Variants in C16orf96 observed in about 807,000 individuals in gnomAD.
The protein encoded by C16orf96 is uncharacterized protein C16orf96.
A neutral mutation model predicts 103.6 loss-of-function variants in C16orf96; 108 were observed. The observed-to-expected ratio is 1.04, with a 90% CI of 0.89 to 1.22. The LOEUF is 1.22. Among genes scored for constraint, C16orf96 ranks in the 50% most tolerant of loss-of-function variants. The pLI is 0.00. For missense variants in C16orf96, 1,586 were observed against 1,464.2 expected (o/e 1.08, Z -1.36); for synonymous variants, 566 against 593.5 (o/e 0.95, Z 0.67).
intron 9 of C16orf96, among the ~76,000 whole-genome samples, chr16:4,590,467 G>C (rs1166948902): frequency 6.6e-6 from 1 of 151,586 alleles, no homozygotes; most frequent in African/African-American, 2.4e-5. Context: ...CTGAGGCAAG[G>C]AGAATCGCTT....
chr16:4,568,251 T>G (rs1005742612), intron 1 of C16orf96, among the ~76,000 whole-genome samples: 1 of 152,288 alleles, frequency 6.6e-6, no homozygotes, highest in African/African-American at 2.4e-5. Context: ...GAGTATGTAT[T>G]TTGCATAATT....
At chr16:4,590,712 G>A (rs1281941467) in intron 9 of C16orf96, among the ~76,000 whole-genome samples, 2 of 149,762 alleles carry the variant, frequency 1.3e-5, no homozygotes, top group East Asian at 2.0e-4. Flanking sequence ...GTGAAACCCC[G>A]TCTGTACTAA....
At chr16:4,596,214 C>G (rs1002298601) in intron 14 of C16orf96, among the ~76,000 whole-genome samples, 2 of 152,102 alleles carry the variant, frequency 1.3e-5, no homozygotes, top group African/African-American at 4.8e-5. Context: ...TGGCCGGGCA[C>G]GGTGGCTCAC....
chr16:4,576,725 C>T, intron 5 of C16orf96, 90 bp downstream of exon 5: 1 of 1,278,388 alleles, frequency 7.8e-7, no homozygotes, highest in South Asian at 1.5e-5. Flanking sequence ...CACTGGGCTC[C>T]ACCAACAAAA....
At chr16:4,583,580 G>T in intron 7 of C16orf96, among the ~76,000 whole-genome samples, 1 of 152,028 alleles carries the variant, frequency 6.6e-6, no homozygotes, top group East Asian at 1.9e-4. Context: ...AATAGTTAAA[G>T]AAGAAAAATA....
intron 14 of C16orf96, among the ~76,000 whole-genome samples, chr16:4,596,500 A>AAT (rs1000851944): frequency 6.6e-6 from 1 of 151,522 alleles, no homozygotes; most frequent in Admixed American, 6.6e-5. Flanking sequence ...AAAAAAAAAA[A>AAT]AACAGCTGAA....
chr16:4,599,354 C>T lies in C16orf96; in HGVS notation c.3198C>T (p.Ala1066=). Reference sequence around the variant, plus strand: ...TGCACTCCAGTGCCCTATTTGGCGCCATCTGCCCCCGTGAGTACCTGGTTC... The same window carrying T: ...TGCACTCCAGTGCCCTATTTGGCGCTATCTGCCCCCGTGAGTACCTGGTTC... The part of the protein sequence containing the change: ...DRVHSSALFG[A]ICPPLCPRSS... The change falls in exon 15 of 16, where the codon GCC becomes GCT. Residue 1066 remains alanine (A), a synonymous_variant. Transcript: ENST00000444310. 1 of 1,551,612 alleles carries T rather than the reference C, an allele frequency of 6.4e-7. No individual in the cohort carries two copies. The highest frequency in any genetic ancestry group is 8.7e-7 in the Non-Finnish European group (1 of 1,146,878).
At chr16:4,584,960 TG>T (rs1896886067) in intron 7 of C16orf96, among the ~76,000 whole-genome samples, 1 of 152,016 alleles carries the variant, frequency 6.6e-6, no homozygotes, top group Non-Finnish European at 1.5e-5. Context: ...CATTAGCCAC[TG>T]CGCCCAGCCA....
chr16:4,577,672 T>C (rs1284304207), intron 5 of C16orf96, among the ~76,000 whole-genome samples: 9 of 135,260 alleles, frequency 6.7e-5, no homozygotes, highest in Non-Finnish European at 1.5e-4. Context: ...ATTTTAAACA[T>C]TGGCCGTGTG....
chr16:4,557,189 C>G (rs2059274782), intron 1 of C16orf96, among the ~76,000 whole-genome samples: 1 of 152,102 alleles, frequency 6.6e-6, no homozygotes. Flanking sequence ...AGGCTGGTCT[C>G]AAACCCCTGA....
chr16:4,548,289 A>G, the C16orf96 span, among the ~76,000 whole-genome samples: 1 of 152,138 alleles, frequency 6.6e-6, no homozygotes, highest in Non-Finnish European at 1.5e-5. Context: ...TTTCCTGGGC[A>G]ACGTTCACTT....
At chr16:4,585,741 C>T (rs1328733784) in intron 7 of C16orf96, among the ~76,000 whole-genome samples, 1 of 152,188 alleles carries the variant, frequency 6.6e-6, no homozygotes, top group Non-Finnish European at 1.5e-5. Flanking sequence ...CTCAGAGGGG[C>T]CTCCTCGCCT....
At chr16:4,578,099 G>C (rs1489229181) in intron 5 of C16orf96, among the ~76,000 whole-genome samples, 2 of 152,124 alleles carry the variant, frequency 1.3e-5, no homozygotes, top group Non-Finnish European at 2.9e-5. Context: ...AACAGAGTGA[G>C]ACCTTGTCTC....
chr16:4,545,764 G>C, the C16orf96 span, among the ~76,000 whole-genome samples: 2 of 152,024 alleles, frequency 1.3e-5, no homozygotes, highest in Non-Finnish European at 2.9e-5. Flanking sequence ...TCTGTACTGA[G>C]GTCTCTTTTC....
intron 7 of C16orf96, among the ~76,000 whole-genome samples, 185 bp downstream of exon 7, chr16:4,580,310 A>ACCCC (rs150403662): frequency 3.2e-3 from 330 of 104,474 alleles, no homozygotes; most frequent in South Asian, 5.0e-3. Flanking sequence ...GAATCCCACC[A>ACCCC]CCCCCCCCCA....
chr16:4,563,608 G>C (rs1211840334), intron 1 of C16orf96, among the ~76,000 whole-genome samples: 11 of 151,678 alleles, frequency 7.3e-5, no homozygotes, highest in Non-Finnish European at 1.6e-4. Context: ...TCGCTCTGTT[G>C]CCCAGGCTGG....
chr16:4,592,208 C>T (rs1897074920), intron 10 of C16orf96, 97 bp from the exon 11 acceptor site: 2 of 1,463,718 alleles, frequency 1.4e-6, no homozygotes, highest in African/African-American at 2.8e-5. Flanking sequence ...CGGGCACTGG[C>T]AGGAGGGATG....
chr16:4,597,430 T>C (rs1226202575), intron 14 of C16orf96, among the ~76,000 whole-genome samples: 1 of 152,162 alleles, frequency 6.6e-6, no homozygotes, highest in African/African-American at 2.4e-5. Context: ...CCCAGTCCTG[T>C]CCCCACTCAT....
chr16:4,588,873 A>G (rs1896992084), intron 9 of C16orf96, among the ~76,000 whole-genome samples: 1 of 152,022 alleles, frequency 6.6e-6, no homozygotes, highest in South Asian at 2.1e-4. Context: ...TTGAGACTCA[A>G]ACCCAGAGCT....
Sources: gnomAD v4.1 joint callset for allele counts (sites outside exome capture counted in the v4.1 genomes callset) on GRCh38, gnomAD v4.1.1 for gene constraint, MANE v1.5 for transcripts, NCBI Gene and HGNC (gene_info 2026-07-23, HGNC 2026-07-21) for gene names.